Variants in GGT5 observed in about 807,000 individuals in gnomAD.
GGT5 encodes gamma-glutamyltransferase 5.
In GGT5, 50 loss-of-function variants were observed where a neutral mutation model predicts 58.1. The observed-to-expected ratio is 0.86, with a 90% CI of 0.69 to 1.09. The LOEUF (loss-of-function observed/expected upper bound fraction) is 1.09, where lower values mean the gene tolerates loss of function less well. GGT5 is among the 50% of genes least tolerant of loss of function. The pLI, the probability that GGT5 is intolerant of heterozygous loss-of-function variation, is 0.00. For synonymous variants in GGT5, 370 were observed against 346.1 expected (o/e 1.07, Z -0.77); for missense variants, 800 against 789.4 (o/e 1.01, Z -0.16).
chr22:24,235,180 T>A (rs1398148549), intron 1 of GGT5, among the ~76,000 whole-genome samples: 1 of 150,240 alleles, frequency 6.7e-6, no homozygotes, highest in African/African-American at 2.4e-5. Context: ...TGCTTCAGCC[T>A]GCCGAGTAGC....
At chr22:24,229,075 CAA>C (rs990711438) in intron 6 of GGT5, among the ~76,000 whole-genome samples, 13 of 150,604 alleles carry the variant, frequency 8.6e-5, no homozygotes, top group African/African-American at 3.2e-4. Context: ...GCCTGGGTGA[CAA>C]GAGCAAAACT....
In GGT5 at chr22:24,231,437, G is replaced by A; in HGVS notation, c.848C>T (p.Pro283Leu). The A allele has an allele frequency of 6.4e-7, 1 of 1,561,232 alleles. No homozygotes were observed. The highest frequency in any genetic ancestry group is 1.7e-4 in the Middle Eastern group (1 of 5,928). The change falls in exon 6 of 12, where the codon CCA becomes CTA. Residue 283 changes from proline to leucine, a missense_variant. Coordinates refer to ENST00000327365, the MANE Select transcript of GGT5 (RefSeq NM_004121.5). ...AATGGCACCCCCTGCAGGCGGCGGT[G>A]GTGAGTACAGGGTATAGTCCCCCAG... ...VPLGDYTLYS[P>L]PPPAGGAILS...
chr22:24,230,134 G>A (rs1421242278), intron 6 of GGT5, among the ~76,000 whole-genome samples: 2 of 152,070 alleles, frequency 1.3e-5, no homozygotes, highest in Non-Finnish European at 2.9e-5. Context: ...TTGGGATGCC[G>A]AGGTGGGCGG....
At chr22:24,228,048 C>CAA (rs1273239063) in intron 6 of GGT5, among the ~76,000 whole-genome samples, 222 of 21,508 alleles carry the variant, frequency 0.01, 7 homozygotes, top group African/African-American at 0.014. Flanking sequence ...GACTCTGTCT[C>CAA]AAAAAAAAAA....
At chr22:24,223,107 A>G (rs1476470777) in intron 11 of GGT5, among the ~76,000 whole-genome samples, 1 of 150,992 alleles carries the variant, frequency 6.6e-6, no homozygotes, top group Non-Finnish European at 1.5e-5. Context: ...AGAAAAAAAA[A>G]GAGTCAAGGG....
intron 5 of GGT5, among the ~76,000 whole-genome samples, 197 bp downstream of exon 5, chr22:24,231,854 C>A (rs1433346939): frequency 6.6e-6 from 1 of 152,162 alleles, no homozygotes; most frequent in Non-Finnish European, 1.5e-5. Flanking sequence ...CTGGCCCTAA[C>A]CCGCAGGCTC....
In GGT5 at chr22:24,232,147, G is replaced by C. The variant is rs765701349; in HGVS notation, c.658C>G (p.Leu220Val). 6.2e-6 allele frequency: 10 copies of C among 1,600,020 alleles called. No individual in the cohort carries two copies. Among genetic ancestry groups the C allele is most frequent in the Admixed American group, 1.7e-5 (1 of 58,290 alleles). ...RPQDPLPWPA[L>V]ATTLETVATE... is the part of the protein sequence containing the mutation. ...GCCACGGTCTCCAGGGTGGTGGCCA[G>C]TGCAGGCCATGGGAGTGGGTCCTGA... The change falls in exon 5 of 12, where the codon CTG becomes GTG. Residue 220 changes from leucine (L) to valine (V), a missense_variant. By Grantham distance (32) the Leu-to-Val change is conservative (BLOSUM62 1). Transcript: ENST00000327365.
intron 3 of GGT5, 37 bp downstream of exon 3, chr22:24,233,461 T>TG: frequency 1.7e-6 from 2 of 1,202,856 alleles, no homozygotes; most frequent in Non-Finnish European, 2.4e-6. Flanking sequence ...CCTAGTGGCC[T>TG]GGGGGGTGGG....
At position 24,237,967 on chromosome 22, in the gene GGT5, C is replaced by T. The variant is rs529211150; in HGVS notation, c.174-3963G>A. On this transcript the variant is annotated intron_variant, in intron 1 of 11. Coordinates refer to ENST00000327365, the MANE Select transcript of GGT5 (RefSeq NM_004121.5). ...TGGAGGCTGGGAGTGGTGGCTCACG[C>T]CTGTAATCCCATCACTTTGGAAGGC... Among the ~76,000 whole-genome samples the T allele has an allele frequency of 1.8e-4, 27 of 152,248 alleles. No homozygotes were observed. The South Asian group carries it at 3.5e-3, about 20-fold the overall frequency.
intron 6 of GGT5, among the ~76,000 whole-genome samples, chr22:24,229,870 A>G (rs547373520): frequency 1.3e-5 from 2 of 151,840 alleles, no homozygotes; most frequent in South Asian, 2.1e-4. Context: ...AAGAAAAAAA[A>G]AAGAAATCAC....
At position 24,232,170 on chromosome 22, in the gene GGT5, T is replaced by A; in HGVS notation, c.635A>T (p.Gln212Leu). 6.4e-7 allele frequency: 1 copy of A among 1,557,524 alleles called. No homozygotes were observed. Among genetic ancestry groups the A allele is most frequent in the South Asian group, 1.2e-5 (1 of 86,248 alleles). Residue 212 changes from glutamine (Q) to leucine (L), a missense_variant, in exon 5 of 12, where the codon CAG (glutamine) becomes CTG (leucine). Physicochemically the swap from Gln to Leu is moderately radical, Grantham distance 113. Coordinates refer to ENST00000327365, the MANE Select transcript of GGT5 (RefSeq NM_004121.5). ...CAGTGCAGGCCATGGGAGTGGGTCC[T>A]GAGGCCTCAGGGGTTCTGTCCCGTT... ...FFNGTEPLRP[Q>L]DPLPWPALAT... is the part of the protein sequence containing the mutation.
At chr22:24,221,485 C>G (rs951900775) in intron 11 of GGT5, among the ~76,000 whole-genome samples, 3 of 152,182 alleles carry the variant, frequency 2.0e-5, no homozygotes, top group Non-Finnish European at 2.9e-5. Context: ...CTTCAACTCC[C>G]TATGATTCTA....
intron 3 of GGT5, among the ~76,000 whole-genome samples, 158 bp downstream of exon 3, chr22:24,233,340 A>G (rs2048004237): frequency 6.6e-6 from 1 of 152,080 alleles, no homozygotes; most frequent in Admixed American, 6.5e-5. Flanking sequence ...GACCTTCTCA[A>G]TCCCTGCAGG....
chr22:24,238,786 ATT>A (rs2048185711), intron 1 of GGT5, among the ~76,000 whole-genome samples: 6 of 21,204 alleles, frequency 2.8e-4, no homozygotes, highest in Non-Finnish European at 4.2e-4. Flanking sequence ...TATAATATAT[ATT>A]ATATATTTAT....
chr22:24,230,226 G>A lies in GGT5; in HGVS notation c.901+1158C>T, dbSNP rs375337682. On this transcript the variant is annotated intron_variant, in intron 6 of 11. Transcript: ENST00000327365. ...CTACCAAAAATACAAAAATTAACTC[G>A]GTGTCGTGGCAAGCGCCTGTAATCC... Among the ~76,000 whole-genome samples the A allele has an allele frequency of 3.8e-4, 58 of 152,194 alleles. 1 individual carries two copies. In the South Asian group the frequency reaches 1.0e-2, roughly 26 times the overall value.
intron 6 of GGT5, among the ~76,000 whole-genome samples, chr22:24,228,047 T>TCAAAAAAAAAAAAAAAA (rs2047820243): frequency 2.7e-5 from 1 of 36,806 alleles, no homozygotes; most frequent in African/African-American, 1.1e-4. Flanking sequence ...AGACTCTGTC[T>TCAAAAAAAAAAAAAAAA]CAAAAAAAAA....
chr22:24,226,242 C>T lies in GGT5; in HGVS notation c.1063G>A (p.Glu355Lys). Reference protein sequence around the residue: ...LQNASRDLLGETLAQLIRQQI... With the variant: ...LQNASRDLLGKTLAQLIRQQI... ...TGGCGGATGAGCTGGGCCAGGGTCT[C>T]CCCCAGCAGGTCCCGGGAGGCATTC... The change falls in exon 8 of 12, where the codon GAG (glutamate) becomes AAG (lysine). Residue 355 changes from glutamate to lysine, a missense_variant. By Grantham distance (56) the Glu-to-Lys change is moderately conservative. Transcript: ENST00000327365. 1 of 1,605,298 alleles carries T rather than the reference C, an allele frequency of 6.2e-7. No individual in the cohort carries two copies. Among genetic ancestry groups the T allele is most frequent in the Non-Finnish European group, 8.5e-7 (1 of 1,178,210 alleles).
At chr22:24,227,725 G>A (rs2047808870) in intron 6 of GGT5, among the ~76,000 whole-genome samples, 1 of 151,978 alleles carries the variant, frequency 6.6e-6, no homozygotes, top group South Asian at 2.1e-4. Context: ...GCCAAGGAAT[G>A]CTGGCAGCCA....
rs199786821 is a variant in GGT5 at position 24,233,911 on chromosome 22, G to T, written c.267C>A (p.Gly89=). ...TGTAGATGGTGAAGATGACCCCTCC[G>T]CCCAGGCCCATGCTCTGAGGGTTGA... is the stretch of plus-strand genomic sequence containing the variant. The part of the protein sequence containing the change: ...SVVNPQSMGL[G]GGVIFTIYNV... Residue 89 remains glycine, a synonymous_variant, in exon 2 of 12, where the codon GGC becomes GGA. Coordinates refer to ENST00000327365, the MANE Select transcript of GGT5 (RefSeq NM_004121.5). 5 of 1,613,348 alleles carry T rather than the reference G, an allele frequency of 3.1e-6. No individual in the cohort carries two copies. Among genetic ancestry groups the T allele is most frequent in the Non-Finnish European group, 4.2e-6 (5 of 1,179,324 alleles).
Sources: gnomAD v4.1 joint callset for allele counts (sites outside exome capture counted in the v4.1 genomes callset) on GRCh38, gnomAD v4.1.1 for gene constraint, MANE v1.5 for transcripts, NCBI Gene and HGNC (gene_info 2026-07-23, HGNC 2026-07-21) for gene names.